The following SELENOF variants were observed in gnomAD, a reference collection of about 807,000 sequenced individuals.
SELENOF encodes selenoprotein F.
Under a neutral mutation model 20.5 loss-of-function variants are expected in SELENOF, and 16 were observed. That is an observed-to-expected ratio of 0.78 (90% confidence interval 0.53 to 1.19). The LOEUF (loss-of-function observed/expected upper bound fraction) is 1.19. SELENOF is among the 50% of genes most tolerant of loss of function. SELENOF has a pLI of 0.00. For synonymous variants in SELENOF, 78 were observed against 74.5 expected (o/e 1.05, Z -0.24); for missense variants, 215 against 194.2 (o/e 1.11, Z -0.64).
chr1:86,877,992 C>T (rs1363485633), intron 3 of SELENOF, among the ~76,000 whole-genome samples: 1 of 151,910 alleles, frequency 6.6e-6, no homozygotes, highest in Non-Finnish European at 1.5e-5. Context: ...ACACAGAAGA[C>T]TCAAGCGAGA....
At chr1:86,892,175 AC>A (rs113302136) in intron 2 of SELENOF, among the ~76,000 whole-genome samples, 42,251 of 150,768 alleles carry the variant, frequency 0.28, 7,273 homozygotes, top group African/African-American at 0.49. Context: ...CGCATGATCC[AC>A]CCCCCCGGCA....
At chr1:86,867,610 A>G (rs1025293471) in intron 4 of SELENOF, among the ~76,000 whole-genome samples, 2 of 152,148 alleles carry the variant, frequency 1.3e-5, no homozygotes, top group Non-Finnish European at 2.9e-5. Context: ...AGGGCAGTGA[A>G]ACTATTCTGT....
At chr1:86,865,822 C>A (rs77575189) in intron 4 of SELENOF, among the ~76,000 whole-genome samples, 1 of 152,054 alleles carries the variant, frequency 6.6e-6, no homozygotes, top group African/African-American at 2.4e-5. Context: ...TATTTGCACA[C>A]CCAAATGTCA....
At chr1:86,863,738 G>T in intron 4 of SELENOF, 133 bp from the exon 5 acceptor site, 1 of 710,428 alleles carries the variant, frequency 1.4e-6, no homozygotes, top group Non-Finnish European at 2.2e-6. Context: ...CAATAAACAA[G>T]TCTTAAAGGA....
At position 86,888,747 on chromosome 1, in the gene SELENOF, C is replaced by T. The variant is rs186358791; in HGVS notation, c.253-8022G>A. Among the ~76,000 whole-genome samples, 182 of 152,270 alleles carry T rather than the reference C, an allele frequency of 1.2e-3. 1 individual carries two copies. The highest frequency in any genetic ancestry group is 4.2e-3 in the African/African-American group (173 of 41,546). On this transcript the variant is annotated intron_variant, in intron 2 of 4. Transcript: ENST00000331835. ...GGTGCGATCTCGGCTCACTGCAACCCCCACCTCCCAGGTTCAAGCGATTCT... is the reference window on the plus strand; with the variant it reads ...GGTGCGATCTCGGCTCACTGCAACCTCCACCTCCCAGGTTCAAGCGATTCT...
chr1:86,897,686 A>G lies in SELENOF; in HGVS notation c.252+5595T>C, dbSNP rs61800713. Among the ~76,000 whole-genome samples the G allele has an allele frequency of 1.7e-3, 261 of 152,326 alleles. 1 individual carries two copies. The highest frequency in any genetic ancestry group is 2.8e-3 in the Non-Finnish European group (192 of 68,032). On this transcript the variant is annotated intron_variant, in intron 2 of 4. Coordinates refer to ENST00000331835, the MANE Select transcript of SELENOF (RefSeq NM_004261.5). The stretch of plus-strand genomic sequence containing the variant: ...GGTTCTTGCATTATTCCACAACCCT[A>G]GCTAATAAGTGGTTAGTGATCCAAC...
At chr1:86,901,940 T>A (rs1659714526) in intron 2 of SELENOF, among the ~76,000 whole-genome samples, 1 of 152,200 alleles carries the variant, frequency 6.6e-6, no homozygotes, top group African/African-American at 2.4e-5. Context: ...ATGCCCCTTG[T>A]TCTTCAGTCC....
chr1:86,909,201 C>T (rs1659910995), intron 1 of SELENOF, among the ~76,000 whole-genome samples: 1 of 152,120 alleles, frequency 6.6e-6, no homozygotes, highest in African/African-American at 2.4e-5. Flanking sequence ...TTTTTTTCCC[C>T]TTGGGCTAAC....
chr1:86,904,672 T>G (rs1403585382), intron 1 of SELENOF, among the ~76,000 whole-genome samples: 1 of 152,190 alleles, frequency 6.6e-6, no homozygotes, highest in Non-Finnish European at 1.5e-5. Flanking sequence ...TTATCTTTAT[T>G]TTTTCCTAAC....
chr1:86,869,245 T>G (rs1176414698), intron 3 of SELENOF, among the ~76,000 whole-genome samples: 1 of 152,226 alleles, frequency 6.6e-6, no homozygotes, highest in Non-Finnish European at 1.5e-5. Context: ...TCTAGGACTT[T>G]ATTCTGAGGA....
chr1:86,869,899 C>T (rs1658714549), intron 3 of SELENOF, among the ~76,000 whole-genome samples: 1 of 151,950 alleles, frequency 6.6e-6, no homozygotes, highest in Admixed American at 6.6e-5. Context: ...CTCAGCCTCC[C>T]AAGCAGCAGT....
intron 2 of SELENOF, among the ~76,000 whole-genome samples, chr1:86,890,784 A>G (rs1659362703): frequency 1.3e-5 from 2 of 151,842 alleles, no homozygotes; most frequent in South Asian, 4.2e-4. Flanking sequence ...GGATGGGATT[A>G]CAGGCGTGAG....
At chr1:86,900,015 C>T (rs1360516434) in intron 2 of SELENOF, among the ~76,000 whole-genome samples, 2 of 151,272 alleles carry the variant, frequency 1.3e-5, no homozygotes, top group African/African-American at 4.9e-5. Context: ...ACACTCCTCA[C>T]TTCCTAGATG....
intron 3 of SELENOF, among the ~76,000 whole-genome samples, chr1:86,873,160 G>C (rs1187782859): frequency 6.6e-6 from 1 of 152,128 alleles, no homozygotes; most frequent in African/African-American, 2.4e-5. Context: ...GGGAGACTAA[G>C]GTAGGAGGAT....
chr1:86,885,107 C>A (rs1659180209), intron 2 of SELENOF, among the ~76,000 whole-genome samples: 1 of 152,114 alleles, frequency 6.6e-6, no homozygotes, highest in Non-Finnish European at 1.5e-5. Flanking sequence ...CGGATAAATT[C>A]CAGCTTTGTG....
intron 3 of SELENOF, among the ~76,000 whole-genome samples, chr1:86,876,822 C>CAAGTGAAGA (rs1319771324): frequency 6.6e-6 from 1 of 152,178 alleles, no homozygotes; most frequent in Non-Finnish European, 1.5e-5. Context: ...TGAAGTCACA[C>CAAGTGAAGA]AAGTGAAGAC....
chr1:86,894,324 G>A (rs1374924343), intron 2 of SELENOF, among the ~76,000 whole-genome samples: 1 of 151,866 alleles, frequency 6.6e-6, no homozygotes, highest in South Asian at 2.1e-4. Context: ...TTGTTTGATA[G>A]CTTGCTTTGT....
chr1:86,887,205 TA>T (rs1487090151), intron 2 of SELENOF: 9 of 1,539,472 alleles, frequency 5.8e-6, no homozygotes, highest in Non-Finnish European at 7.9e-6. Context: ...TACTGAGGAT[TA>T]GGGGAAAAAA....
chr1:86,880,859 G>T, intron 2 of SELENOF, 134 bp from the exon 3 acceptor site: 1 of 531,922 alleles, frequency 1.9e-6, no homozygotes, highest in Non-Finnish European at 3.2e-6. Context: ...AAGCTGGTTA[G>T]CCAGACAGGA....
Sources: gnomAD v4.1 joint callset for allele counts (sites outside exome capture counted in the v4.1 genomes callset) on GRCh38, gnomAD v4.1.1 for gene constraint, MANE v1.5 for transcripts, NCBI Gene and HGNC (gene_info 2026-07-23, HGNC 2026-07-21) for gene names.